The following CEP112 variants were observed in gnomAD, a reference collection of about 807,000 sequenced individuals.
The protein encoded by CEP112 is centrosomal protein 112, also known as centrosomal protein of 112 kDa.
In CEP112, 127 loss-of-function variants were observed where a neutral mutation model predicts 153.0. That is an observed-to-expected ratio of 0.83 (90% confidence interval 0.72 to 0.96). The LOEUF (loss-of-function observed/expected upper bound fraction) is 0.96, where lower values mean the gene tolerates loss of function less well. Among genes scored for constraint, CEP112 ranks in the 40% least tolerant of loss-of-function variants. The pLI is 0.00. For missense variants in CEP112, 1,089 were observed against 1,101.2 expected (o/e 0.99, Z 0.16); for synonymous variants, 358 against 374.4 (o/e 0.96, Z 0.51).
intron 17 of CEP112, among the ~76,000 whole-genome samples, chr17:65,962,714 G>C (rs2144783249): frequency 7.6e-6 from 1 of 130,838 alleles, no homozygotes; most frequent in South Asian, 3.5e-4. Context: ...TCTTTCCCAT[G>C]CTGTTCTCAT....
chr17:66,170,202 G>A (rs765210578), intron 4 of CEP112, among the ~76,000 whole-genome samples: 5 of 152,108 alleles, frequency 3.3e-5, no homozygotes, highest in Non-Finnish European at 5.9e-5. Flanking sequence ...CCACACTCAA[G>A]GGGAGGGGAT....
At chr17:65,862,959 A>T (rs1213770325) in intron 20 of CEP112, among the ~76,000 whole-genome samples, 1 of 152,118 alleles carries the variant, frequency 6.6e-6, no homozygotes, top group East Asian at 1.9e-4. Context: ...ACTTTTGTTT[A>T]GTATTTAATA....
intron 11 of CEP112, among the ~76,000 whole-genome samples, chr17:66,056,660 T>C (rs2066703081): frequency 1.3e-5 from 2 of 152,204 alleles, no homozygotes; most frequent in Non-Finnish European, 2.9e-5. Flanking sequence ...TATTATTGTA[T>C]TTATATGAGA....
intron 18 of CEP112, among the ~76,000 whole-genome samples, chr17:65,941,036 A>T (rs1184384157): frequency 6.6e-6 from 1 of 152,112 alleles, no homozygotes; most frequent in African/African-American, 2.4e-5. Flanking sequence ...GTCAATTAAA[A>T]ATATAAAAAA....
At chr17:65,805,913 C>G (rs957361459) in intron 21 of CEP112, among the ~76,000 whole-genome samples, 2 of 152,122 alleles carry the variant, frequency 1.3e-5, no homozygotes, top group African/African-American at 4.8e-5. Flanking sequence ...AAATGTTTAC[C>G]AGTTCTGTAT....
intron 23 of CEP112, among the ~76,000 whole-genome samples, chr17:65,696,594 G>T (rs1252688777): frequency 6.6e-6 from 1 of 152,168 alleles, no homozygotes; most frequent in African/African-American, 2.4e-5. Context: ...GTGAAACGCA[G>T]AAAGGGGACT....
chr17:65,767,059 C>T (rs2053028354), intron 21 of CEP112, among the ~76,000 whole-genome samples: 1 of 152,090 alleles, frequency 6.6e-6, no homozygotes, highest in Non-Finnish European at 1.5e-5. Flanking sequence ...CTATATATAA[C>T]TTTCTATCCA....
chr17:65,683,355 AG>A lies in CEP112; in HGVS notation c.2697+5773del, dbSNP rs372985369. On this transcript the variant is annotated intron_variant, in intron 24 of 26. Coordinates refer to ENST00000535342, the MANE Select transcript of CEP112 (RefSeq NM_001199165.4). ...ATTTATGAGTCACTTGTGCCTGCAC[AG>A]TCCAGACCTTTAATGCTTGCAAAAC... Among the ~76,000 whole-genome samples, 43 of 152,370 alleles carry A rather than the reference AG, an allele frequency of 2.8e-4. No individual in the cohort carries two copies. The East Asian group carries it at 8.1e-3, about 29-fold the overall frequency.
At chr17:66,055,054 G>A (rs2066622937) in intron 11 of CEP112, among the ~76,000 whole-genome samples, 1 of 152,082 alleles carries the variant, frequency 6.6e-6, no homozygotes, top group African/African-American at 2.4e-5. Flanking sequence ...CACCGTGCCT[G>A]GCCCCAAATA....
At chr17:65,700,491 T>C (rs1219898672) in intron 23 of CEP112, among the ~76,000 whole-genome samples, 1 of 151,990 alleles carries the variant, frequency 6.6e-6, no homozygotes, top group Non-Finnish European at 1.5e-5. Context: ...AGGAGAGTGG[T>C]CCTGGGGAGT....
chr17:65,666,993 T>A (rs2057489957), intron 24 of CEP112, among the ~76,000 whole-genome samples: 1 of 152,190 alleles, frequency 6.6e-6, no homozygotes, highest in African/African-American at 2.4e-5. Flanking sequence ...AACTTAATGC[T>A]AAGTCAGAGG....
chr17:65,787,558 A>T (rs2145692924), intron 21 of CEP112, among the ~76,000 whole-genome samples: 1 of 152,348 alleles, frequency 6.6e-6, no homozygotes, highest in African/African-American at 2.4e-5. Flanking sequence ...GACAATTGAC[A>T]TCTTTAAGAT....
At chr17:65,756,760 G>T (rs900221120) in intron 21 of CEP112, among the ~76,000 whole-genome samples, 12 of 152,132 alleles carry the variant, frequency 7.9e-5, no homozygotes, top group Non-Finnish European at 1.8e-4. Flanking sequence ...TTGGTAAGTT[G>T]AGGAAATTAA....
At chr17:65,733,816 C>A (rs2050646530) in intron 23 of CEP112, among the ~76,000 whole-genome samples, 1 of 152,194 alleles carries the variant, frequency 6.6e-6, no homozygotes, top group Admixed American at 6.5e-5. Context: ...TCAAAAACCT[C>A]ACAGTCTAGT....
chr17:65,678,547 T>C (rs1241155563), intron 24 of CEP112, among the ~76,000 whole-genome samples: 1 of 152,134 alleles, frequency 6.6e-6, no homozygotes, highest in Non-Finnish European at 1.5e-5. Flanking sequence ...TACCACAACA[T>C]TACTCCATTC....
At chr17:66,008,872 T>C (rs2064387420) in intron 16 of CEP112, among the ~76,000 whole-genome samples, 1 of 152,016 alleles carries the variant, frequency 6.6e-6, no homozygotes, top group African/African-American at 2.4e-5. Flanking sequence ...ACTGTATATA[T>C]ACATACCACA....
intron 4 of CEP112, among the ~76,000 whole-genome samples, chr17:66,168,547 G>GTATATATA (rs140897554): frequency 5.4e-5 from 8 of 148,914 alleles, no homozygotes; most frequent in Non-Finnish European, 8.9e-5. Context: ...GTGTGTGTGT[G>GTATATATA]TATATATATA....
intron 17 of CEP112, among the ~76,000 whole-genome samples, chr17:65,968,211 C>G (rs1187189075): frequency 6.6e-6 from 1 of 151,872 alleles, no homozygotes. Flanking sequence ...TGAAGTCACT[C>G]AAGCAGAATG....
chr17:65,729,556 T>C (rs956225674), intron 23 of CEP112, among the ~76,000 whole-genome samples: 7 of 152,214 alleles, frequency 4.6e-5, no homozygotes, highest in Non-Finnish European at 7.3e-5. Context: ...CTTTGAACTA[T>C]CTCCGATACA....
Sources: allele counts gnomAD v4.1 joint callset (sites outside exome capture counted in the v4.1 genomes callset), GRCh38; gene constraint gnomAD v4.1.1; transcripts MANE v1.5; gene names NCBI Gene and HGNC (gene_info 2026-07-23, HGNC 2026-07-21).